GLYATL3: variants seen among roughly 807,000 people sequenced by gnomAD.
GLYATL3 encodes glycine N-acyltransferase-like protein 3.
A neutral mutation model predicts 28.5 loss-of-function variants in GLYATL3; 31 were observed. The observed-to-expected ratio is 1.09, with a 90% CI of 0.82 to 1.47. GLYATL3 has a LOEUF of 1.47. Ranked by LOEUF, GLYATL3 falls within the 40% of genes most tolerant of loss-of-function variation. The probability of loss-of-function intolerance (pLI) is 0.00; values close to 1 mark genes in which losing one functional copy is unlikely to be tolerated. For missense variants in GLYATL3, 369 were observed against 351.5 expected (o/e 1.05, Z -0.40); for synonymous variants, 141 against 140.2 (o/e 1.01, Z -0.04).
At chr6:49,524,968 C>CAAAAAAAAAAAAAAAA (rs911424000) in intron 5 of GLYATL3, among the ~76,000 whole-genome samples, 1 of 43,690 alleles carries the variant, frequency 2.3e-5, no homozygotes, top group Non-Finnish European at 4.7e-5. Flanking sequence ...GACTCCCTCT[C>CAAAAAAAAAAAAAAAA]AAAAAAAAAA....
At chr6:49,523,768 A>C (rs1021592822) in intron 5 of GLYATL3, among the ~76,000 whole-genome samples, 1 of 152,220 alleles carries the variant, frequency 6.6e-6, no homozygotes, top group Non-Finnish European at 1.5e-5. Context: ...AGGTTCATAC[A>C]TAGACCTCTT....
intron 2 of GLYATL3, among the ~76,000 whole-genome samples, chr6:49,513,489 T>C (rs1340894018): frequency 6.6e-6 from 1 of 152,242 alleles, no homozygotes; most frequent in Non-Finnish European, 1.5e-5. Flanking sequence ...CCTTTTAAGA[T>C]GCTGAGCATT....
At chr6:49,505,449 T>C (rs1243345383) in intron 1 of GLYATL3, among the ~76,000 whole-genome samples, 1 of 152,192 alleles carries the variant, frequency 6.6e-6, no homozygotes, top group Non-Finnish European at 1.5e-5. Context: ...TAGAAATGAC[T>C]TTATCTTTTG....
intron 2 of GLYATL3, among the ~76,000 whole-genome samples, chr6:49,512,500 C>A (rs1317533962): frequency 1.3e-5 from 2 of 151,912 alleles, no homozygotes. Flanking sequence ...CTGGATGACT[C>A]CTAAGGAAAT....
chr6:49,516,802 A>T (rs1018502707), intron 3 of GLYATL3, among the ~76,000 whole-genome samples: 1 of 151,992 alleles, frequency 6.6e-6, no homozygotes, highest in African/African-American at 2.4e-5. Flanking sequence ...GCTAAAAAAT[A>T]AAAAATAATT....
chr6:49,507,876 GC>G (rs1362593035), intron 1 of GLYATL3, among the ~76,000 whole-genome samples: 2 of 152,178 alleles, frequency 1.3e-5, no homozygotes, highest in South Asian at 2.1e-4. Context: ...TTTAGTGAGG[GC>G]GGGGGTAGGT....
chr6:49,501,853 A>T (rs886398761), intron 1 of GLYATL3, among the ~76,000 whole-genome samples: 3 of 152,176 alleles, frequency 2.0e-5, no homozygotes, highest in African/African-American at 7.2e-5. Flanking sequence ...TCATTCGTCC[A>T]TTTATAGGCT....
At chr6:49,520,956 T>C (rs1373861590) in intron 4 of GLYATL3, among the ~76,000 whole-genome samples, 1 of 152,164 alleles carries the variant, frequency 6.6e-6, no homozygotes, top group Non-Finnish European at 1.5e-5. Flanking sequence ...TTCATGGTTA[T>C]AGTAAGCTAT....
chr6:49,512,074 A>G lies in GLYATL3; in HGVS notation c.78+6A>G, dbSNP rs1460714162. ...GCTTTCCTGAATCACTCAAGGTACC[A>G]TAAAATTAATAATTTTATTTTATTT... On this transcript the variant is annotated splice_donor_region_variant and intron_variant, in intron 2 of 5. Coordinates refer to ENST00000371197, the MANE Select transcript of GLYATL3 (RefSeq NM_001010904.2). 1.8e-6 allele frequency: 2 copies of G among 1,089,116 alleles called. No homozygotes were observed. The highest frequency in any genetic ancestry group is 2.7e-6 in the Non-Finnish European group (2 of 742,900). The allele number at this position is 1,089,116 out of a possible 1,614,324, so 67.5% of individuals were successfully genotyped here.
chr6:49,515,778 A>G lies in GLYATL3; in HGVS notation c.186+18A>G, dbSNP rs1769204357. ...AAAGAGAGGTACAGTTTTGAAAGGTAAAAAGTTTAAAAATAATAAGAATTG... is the reference window on the plus strand; with the variant it reads ...AAAGAGAGGTACAGTTTTGAAAGGTGAAAAGTTTAAAAATAATAAGAATTG... On this transcript the variant is annotated intron_variant, in intron 3 of 5. Transcript: ENST00000371197. 3 of 1,373,958 alleles carry G rather than the reference A, an allele frequency of 2.2e-6. No individual in the cohort carries two copies. Among genetic ancestry groups the G allele is most frequent in the African/African-American group, 1.4e-5 (1 of 69,716 alleles). 85.1% of individuals were successfully genotyped at this position (1,373,958 alleles called of 1,614,324 possible).
intron 5 of GLYATL3, among the ~76,000 whole-genome samples, chr6:49,526,026 G>A (rs924434164): frequency 6.6e-6 from 1 of 152,210 alleles, no homozygotes; most frequent in Non-Finnish European, 1.5e-5. Context: ...ATGAAACCCG[G>A]AAAGGTGTTG....
intron 1 of GLYATL3, among the ~76,000 whole-genome samples, chr6:49,507,878 G>A (rs913486390): frequency 1.5e-4 from 23 of 152,144 alleles, no homozygotes; most frequent in African/African-American, 3.4e-4. Context: ...TAGTGAGGGC[G>A]GGGGTAGGTT....
chr6:49,510,176 G>T (rs1316765274), intron 1 of GLYATL3, among the ~76,000 whole-genome samples: 1 of 151,948 alleles, frequency 6.6e-6, no homozygotes, highest in African/African-American at 2.4e-5. Flanking sequence ...CCTAGTAGCT[G>T]GGATTACAGG....
chr6:49,518,031 T>G (rs1013967725), intron 4 of GLYATL3, among the ~76,000 whole-genome samples: 4 of 151,754 alleles, frequency 2.6e-5, no homozygotes, highest in Non-Finnish European at 4.4e-5. Flanking sequence ...CAAATGACTG[T>G]TTTTTTTCTG....
At chr6:49,514,025 A>G (rs1405396740) in intron 2 of GLYATL3, among the ~76,000 whole-genome samples, 2 of 152,256 alleles carry the variant, frequency 1.3e-5, no homozygotes, top group East Asian at 3.8e-4. Flanking sequence ...AAGTCCATTG[A>G]AATCTAACAC....
At chr6:49,502,906 C>G (rs1768939934) in intron 1 of GLYATL3, among the ~76,000 whole-genome samples, 1 of 152,142 alleles carries the variant, frequency 6.6e-6, no homozygotes, top group Non-Finnish European at 1.5e-5. Context: ...CTGGCTCTGA[C>G]TACTAAAATA....
At chr6:49,523,316 C>A (rs938721504) in intron 5 of GLYATL3, among the ~76,000 whole-genome samples, 1 of 152,148 alleles carries the variant, frequency 6.6e-6, no homozygotes, top group Non-Finnish European at 1.5e-5. Flanking sequence ...TCAGGGCCTC[C>A]CCAAATGATG....
rs563087156 is a variant in GLYATL3 at position 49,504,257 on chromosome 6, G to A, written c.-29+4215G>A. Among the ~76,000 whole-genome samples the A allele has an allele frequency of 6.4e-5, 9 of 140,998 alleles. No individual in the cohort carries two copies. The South Asian group carries it at 6.8e-4, about 11-fold the overall frequency. The allele number at this position is 140,998 out of a possible 152,430, so 92.5% of individuals were successfully genotyped here. ...TTCTTTTTCTTTTTTTTTTTTTGACGGTTGGATGTGTTAGTTGTTTTTTGC... is the reference window on the plus strand; with the variant it reads ...TTCTTTTTCTTTTTTTTTTTTTGACAGTTGGATGTGTTAGTTGTTTTTTGC... On this transcript the variant is annotated intron_variant, in intron 1 of 5. Transcript: ENST00000371197.
chr6:49,502,212 T>G (rs1768926941), intron 1 of GLYATL3, among the ~76,000 whole-genome samples: 1 of 152,218 alleles, frequency 6.6e-6, no homozygotes, highest in African/African-American at 2.4e-5. Flanking sequence ...TTTTTCCAAT[T>G]TTGTATATGA....
Sources: allele counts gnomAD v4.1 joint callset (sites outside exome capture counted in the v4.1 genomes callset), GRCh38; gene constraint gnomAD v4.1.1; transcripts MANE v1.5; gene names NCBI Gene and HGNC (gene_info 2026-07-23, HGNC 2026-07-21).